Variants in RASGEF1C observed in about 807,000 individuals in gnomAD.
RASGEF1C encodes ras-GEF domain-containing family member 1C.
RASGEF1C carries 27 observed loss-of-function variants against 58.1 expected under a neutral mutation model. The ratio of observed to expected loss-of-function variants is 0.46; its 90% CI spans 0.34 to 0.64. The LOEUF is 0.64. RASGEF1C is among the 30% of genes least tolerant of loss of function. The pLI, the probability that RASGEF1C is intolerant of heterozygous loss-of-function variation, is 0.01. For synonymous variants in RASGEF1C, 243 were observed against 246.3 expected, an observed-to-expected ratio of 0.99 and a Z score of 0.13; for missense variants, 502 against 605.1, an observed-to-expected ratio of 0.83 and a Z score of 1.79.
intron 1 of RASGEF1C, among the ~76,000 whole-genome samples, chr5:180,174,604 A>C (rs1767188559): frequency 8.9e-6 from 1 of 112,604 alleles, no homozygotes; most frequent in Non-Finnish European, 1.8e-5. Context: ...GTGTGTGTGC[A>C]CGCATGTGTG....
Position 180,168,411 on chromosome 5 carries a change from C to T in RASGEF1C, c.-6-30353G>A, listed in dbSNP as rs140528592. Among the ~76,000 whole-genome samples the T allele has an allele frequency of 2.3e-3, 351 of 152,126 alleles. 2 individuals are homozygous for T. Among genetic ancestry groups the T allele is most frequent in the African/African-American group, 7.8e-3 (325 of 41,520 alleles). On this transcript the variant is annotated intron_variant, in intron 1 of 13. Coordinates refer to ENST00000361132, the MANE Select transcript of RASGEF1C (RefSeq NM_175062.4). This position sits in a 1 kb window ranked among gnomAD's most constrained non-coding sequence, Gnocchi z 6.0. ...TGGCGCCACTGCACTCCAGCCTGGG[C>T]AACAAGAGCGAAACTCCATCTCAAA... is the stretch of plus-strand genomic sequence containing the variant.
intron 8 of RASGEF1C, among the ~76,000 whole-genome samples, chr5:180,119,128 A>C (rs1423122491): frequency 6.6e-6 from 1 of 152,200 alleles, no homozygotes; most frequent in African/African-American, 2.4e-5. Flanking sequence ...GCCCTCACCA[A>C]ACATCCCGAG....
intron 4 of RASGEF1C, among the ~76,000 whole-genome samples, chr5:180,133,213 C>T (rs1276725087): frequency 1.3e-5 from 2 of 152,120 alleles, no homozygotes; most frequent in African/African-American, 4.8e-5. Context: ...CACAGGGTGG[C>T]CCGATGCTGG....
rs1581132467 is a variant in RASGEF1C at position 180,200,444 on chromosome 5, G to C, written c.-7+8584C>G. Among the ~76,000 whole-genome samples, 3 of 150,424 alleles carry C rather than the reference G, an allele frequency of 2.0e-5. No homozygotes were observed. In the East Asian group the frequency reaches 6.0e-4, roughly 30 times the overall value. Reference sequence around the variant, plus strand: ...CCTGCCTCAGCCTCCCGAGTAGCCGGGACTACAGGCGCCCGCCACCACGCC... The same window carrying C: ...CCTGCCTCAGCCTCCCGAGTAGCCGCGACTACAGGCGCCCGCCACCACGCC... On this transcript the variant is annotated intron_variant, in intron 1 of 13. Coordinates refer to ENST00000361132, the MANE Select transcript of RASGEF1C (RefSeq NM_175062.4).
Position 180,158,739 on chromosome 5 carries a change from C to T in RASGEF1C, c.-6-20681G>A, listed in dbSNP as rs1581112712. Among the ~76,000 whole-genome samples the T allele has an allele frequency of 6.6e-6, 1 of 152,166 alleles. No individual in the cohort carries two copies. Among genetic ancestry groups the T allele is most frequent in the South Asian group, 2.1e-4 (1 of 4,828 alleles). On this transcript the variant is annotated intron_variant, in intron 1 of 13. Coordinates refer to ENST00000361132, the MANE Select transcript of RASGEF1C (RefSeq NM_175062.4). The surrounding 1 kb of genome is among the most constrained non-coding windows in gnomAD (Gnocchi z 4.0). ...TCACAAGGACGCACCTTGACACGGG[C>T]CTTTCTATGTCCCTCGTGTGGAGCA... is the stretch of plus-strand genomic sequence containing the variant.
chr5:180,132,708 T>C lies in RASGEF1C; in HGVS notation c.438+3670A>G, dbSNP rs372607463. Among the ~76,000 whole-genome samples, 18 of 152,244 alleles carry C rather than the reference T, an allele frequency of 1.2e-4. 1 individual carries two copies. Among genetic ancestry groups the C allele is most frequent in the South Asian group, 1.0e-3 (5 of 4,828 alleles). The stretch of plus-strand genomic sequence containing the variant: ...AGACCAGGCCGGGCGCGGTGGCTCA[T>C]GCCTGTAATCCCAGCACTTTGGGAG... On this transcript the variant is annotated intron_variant, in intron 4 of 13. Coordinates refer to ENST00000361132, the MANE Select transcript of RASGEF1C (RefSeq NM_175062.4).
In RASGEF1C at chr5:180,142,108, A is replaced by T. The variant is rs540763932; in HGVS notation, c.-6-4050T>A. Among the ~76,000 whole-genome samples, 52 of 152,126 alleles carry T rather than the reference A, an allele frequency of 3.4e-4. No individual in the cohort carries two copies. In the South Asian group the frequency reaches 6.0e-3, roughly 18 times the overall value. ...GCTGGGAGTCTTGGGGGCTGCATAG[A>T]TGGGCTGTCAGCATGAGGGGCTCAG... On this transcript the variant is annotated intron_variant, in intron 1 of 13. Coordinates refer to ENST00000361132, the MANE Select transcript of RASGEF1C (RefSeq NM_175062.4).
chr5:180,161,306 A>G (rs11740381), intron 1 of RASGEF1C, among the ~76,000 whole-genome samples: 57,240 of 152,148 alleles, frequency 0.38, 11,451 homozygotes, highest in East Asian at 0.63. Flanking sequence ...CCCCGCTTCC[A>G]GAGTGTCTTT....
At chr5:180,119,578 G>A (rs1766132727) in intron 7 of RASGEF1C, 130 bp from the exon 8 acceptor site, 2 of 686,130 alleles carry the variant, frequency 2.9e-6, no homozygotes, top group South Asian at 1.7e-5. Flanking sequence ...GAGGCTCAGG[G>A]TAAACAGGGT....
intron 6 of RASGEF1C, 145 bp from the exon 7 acceptor site, chr5:180,121,294 C>T (rs55667285): frequency 0.16 from 99,640 of 606,296 alleles, 9,108 homozygotes; most frequent in South Asian, 0.23. Context: ...TTGGTATGTA[C>T]GCTTTCAGTC....
intron 1 of RASGEF1C, among the ~76,000 whole-genome samples, chr5:180,200,310 C>CTTTTTTT (rs762904367): frequency 0.038 from 3,451 of 90,172 alleles, 488 homozygotes; most frequent in East Asian, 0.22. Flanking sequence ...GTACATCATT[C>CTTTTTTT]TTTTTTTTTT....
At chr5:180,153,214 T>C (rs994559882) in intron 1 of RASGEF1C, among the ~76,000 whole-genome samples, 1 of 152,186 alleles carries the variant, frequency 6.6e-6, no homozygotes, top group African/African-American at 2.4e-5. Flanking sequence ...GGGGCCCACC[T>C]CTGTGTCTGC....
chr5:180,165,510 A>G (rs2113304524), intron 1 of RASGEF1C, among the ~76,000 whole-genome samples: 1 of 151,836 alleles, frequency 6.6e-6, no homozygotes, highest in South Asian at 2.1e-4. Context: ...TCCTTACTAC[A>G]AATACAAAAA....
intron 4 of RASGEF1C, among the ~76,000 whole-genome samples, chr5:180,130,290 G>T (rs1766343987): frequency 6.6e-6 from 1 of 152,280 alleles, no homozygotes; most frequent in East Asian, 1.9e-4. Context: ...GGGGTAGGGG[G>T]CAGGGGGCCC....
Position 180,155,366 on chromosome 5 carries a change from G to A in RASGEF1C, c.-6-17308C>T, listed in dbSNP as rs1287731584. Among the ~76,000 whole-genome samples the A allele has an allele frequency of 6.6e-6, 1 of 152,204 alleles. No individual in the cohort carries two copies. The highest frequency in any genetic ancestry group is 2.4e-5 in the African/African-American group (1 of 41,454). ...TCCTGCCTGCTCCCTGATGTCTGAAGGGACGCTGTGGGGGAACTGCAGCCT... is the reference window on the plus strand; with the variant it reads ...TCCTGCCTGCTCCCTGATGTCTGAAAGGACGCTGTGGGGGAACTGCAGCCT... On this transcript the variant is annotated intron_variant, in intron 1 of 13. Coordinates refer to ENST00000361132, the MANE Select transcript of RASGEF1C (RefSeq NM_175062.4). The surrounding 1 kb of genome is among the most constrained non-coding windows in gnomAD (Gnocchi z 5.2).
intron 6 of RASGEF1C, among the ~76,000 whole-genome samples, chr5:180,121,682 C>CACACACACA (rs1766179905): frequency 2.4e-4 from 8 of 33,470 alleles, no homozygotes; most frequent in South Asian, 1.6e-3. Context: ...CACACACACA[C>CACACACACA]CCTCATTATT....
intron 4 of RASGEF1C, among the ~76,000 whole-genome samples, chr5:180,132,035 T>C (rs909055620): frequency 1.3e-5 from 2 of 152,210 alleles, no homozygotes; most frequent in Admixed American, 1.3e-4. Flanking sequence ...CACTCGTGGA[T>C]AGGAGCTTGG....
Position 180,114,357 on chromosome 5 carries a change from TG to T in RASGEF1C, c.1179+88del, listed in dbSNP as rs1383979285. 1.2e-4 allele frequency: 151 copies of T among 1,283,528 alleles called. 1 individual carries two copies. The highest frequency in any genetic ancestry group is 1.6e-4 in the Non-Finnish European group (143 of 907,674). The allele number at this position is 1,283,528 out of a possible 1,614,324, so 79.5% of individuals were successfully genotyped here. A position where few individuals can be genotyped will look rare whatever the true frequency, so the allele number is the denominator to read the frequency against. On this transcript the variant is annotated intron_variant, in intron 11 of 13. Transcript: ENST00000361132. ...GCTCATTCTGCCCCAGGGTCCCCCA[TG>T]AGGCTGGGTGTCCAAGGGCCAGTGG...
chr5:180,119,265 C>T, intron 8 of RASGEF1C, 81 bp downstream of exon 8: 1 of 1,216,908 alleles, frequency 8.2e-7, no homozygotes, highest in Admixed American at 1.7e-5. Flanking sequence ...CTGGCTTGCA[C>T]TCTGCCTGCC....
Sources: gnomAD v4.1 joint callset for allele counts (sites outside exome capture counted in the v4.1 genomes callset) on GRCh38, gnomAD v4.1.1 for gene constraint, Gnocchi (gnomAD v3.1) non-coding constraint, MANE v1.5 for transcripts, NCBI Gene and HGNC (gene_info 2026-07-23, HGNC 2026-07-21) for gene names.